IRAG2: variants seen among roughly 807,000 people sequenced by gnomAD.
The protein encoded by IRAG2 is lymphoid restricted membrane protein.
IRAG2 carries 45 observed loss-of-function variants against 69.9 expected under a neutral mutation model. The observed-to-expected ratio is 0.64, with a 90% CI of 0.51 to 0.83. The LOEUF (loss-of-function observed/expected upper bound fraction) is 0.83, where lower values mean the gene tolerates loss of function less well. Ranked by LOEUF, IRAG2 falls within the 40% of genes least tolerant of loss-of-function variation. The pLI, the probability that IRAG2 is intolerant of heterozygous loss-of-function variation, is 0.00. For missense variants in IRAG2, 520 were observed against 587.0 expected (o/e 0.89, Z 1.18); for synonymous variants, 193 against 202.4 (o/e 0.95, Z 0.40).
chr12:25,011,732 T>A (rs1239309212), intron 3 of IRAG2, among the ~76,000 whole-genome samples: 2 of 152,196 alleles, frequency 1.3e-5, no homozygotes, highest in Non-Finnish European at 2.9e-5. Flanking sequence ...ATTCAGCAGA[T>A]CTGGGGTGAA....
At chr12:25,046,802 A>AT (rs901255750) in intron 16 of IRAG2, among the ~76,000 whole-genome samples, 4 of 152,100 alleles carry the variant, frequency 2.6e-5, no homozygotes, top group African/African-American at 7.2e-5. Context: ...TTCCAATCGC[A>AT]TTTTTTTACA....
rs762366108 is a variant in IRAG2 at position 25,069,466 on chromosome 12, G to T, written c.24+35G>T. 4 of 1,592,432 alleles carry T rather than the reference G, an allele frequency of 2.5e-6. No individual in the cohort carries two copies. The South Asian group carries it at 4.4e-5, about 18-fold the overall frequency. On this transcript the variant is annotated intron_variant, in intron 6 of 21. Coordinates refer to ENST00000556887, the MANE Select transcript of IRAG2 (RefSeq NM_001366544.2). Reference sequence around the variant, plus strand: ...GGACTGGATTTTGGTTTCATTTTCAGTATTACCATATCCTGTTCTTCTTCT... The same window carrying T: ...GGACTGGATTTTGGTTTCATTTTCATTATTACCATATCCTGTTCTTCTTCT...
chr12:25,098,446 A>G (rs1372912927), intron 15 of IRAG2, among the ~76,000 whole-genome samples: 1 of 152,192 alleles, frequency 6.6e-6, no homozygotes, highest in African/African-American at 2.4e-5. Flanking sequence ...AAAGCCTCCC[A>G]GCGTGTGAAT....
intron 6 of IRAG2, among the ~76,000 whole-genome samples, chr12:25,077,343 TATATATATG>T (rs201811222): frequency 4.6e-4 from 25 of 54,742 alleles, no homozygotes; most frequent in East Asian, 6.3e-4. Context: ...ATATATGAAA[TATATATATG>T]ATATATATGA....
upstream of IRAG2, among the ~76,000 whole-genome samples, chr12:25,050,074 G>C (rs557387355): frequency 4.9e-4 from 74 of 151,088 alleles, no homozygotes; most frequent in Non-Finnish European, 9.6e-4. Flanking sequence ...AGTGAGCCGA[G>C]ATTGCGCCAC....
intron 6 of IRAG2, among the ~76,000 whole-genome samples, chr12:25,069,766 C>T (rs1171128337): frequency 6.6e-6 from 1 of 152,152 alleles, no homozygotes; most frequent in Non-Finnish European, 1.5e-5. Flanking sequence ...CTGTAAGAAG[C>T]CTCAGATCCC....
At chr12:25,106,164 T>C (rs1949088161) in intron 20 of IRAG2, among the ~76,000 whole-genome samples, 1 of 151,858 alleles carries the variant, frequency 6.6e-6, no homozygotes, top group African/African-American at 2.4e-5. Flanking sequence ...TTAGCACTGA[T>C]TGGAAATCAT....
exon 5 of IRAG2, chr12:25,015,363 A>G (rs772317142): frequency 8.1e-7 from 1 of 1,232,026 alleles, no homozygotes; most frequent in Non-Finnish European, 1.0e-6. Context: ...AGATGAGCAC[A>G]GATATAACAG....
At chr12:25,088,034 G>A in intron 10 of IRAG2, 66 bp from the exon 11 acceptor site, 1 of 1,182,902 alleles carries the variant, frequency 8.5e-7, no homozygotes, top group Non-Finnish European at 1.3e-6. Flanking sequence ...AGGACAGGAA[G>A]TAGGAAAATG....
chr12:25,055,854 C>T (rs1945220538), intron 1 of IRAG2, among the ~76,000 whole-genome samples: 1 of 152,150 alleles, frequency 6.6e-6, no homozygotes, highest in Non-Finnish European at 1.5e-5. Flanking sequence ...ATCTTATGTA[C>T]AGAAATCATG....
At chr12:25,031,232 G>A in intron 10 of IRAG2, 1 of 191,680 alleles carries the variant, frequency 5.2e-6, no homozygotes, top group East Asian at 1.9e-4. Context: ...CATTGCGGGT[G>A]TTCTCTATGT....
exon 16 of IRAG2, chr12:25,038,133 G>T (rs11609332): frequency 0.024 from 9,425 of 398,714 alleles, 141 homozygotes; most frequent in Non-Finnish European, 0.03. Context: ...AGAATTTCTT[G>T]CCAGGTGATG....
chr12:25,029,395 T>C (rs1165968890), intron 9 of IRAG2, among the ~76,000 whole-genome samples: 1 of 152,220 alleles, frequency 6.6e-6, no homozygotes, highest in Non-Finnish European at 1.5e-5. Flanking sequence ...TTTTCACATC[T>C]ACTAAATGGA....
intron 16 of IRAG2, among the ~76,000 whole-genome samples, chr12:25,041,524 C>G (rs926435442): frequency 6.6e-6 from 1 of 151,864 alleles, no homozygotes; most frequent in Non-Finnish European, 1.5e-5. Flanking sequence ...CTTCATCACC[C>G]AGACTGGAGA....
At chr12:25,063,435 T>G (rs986338726) in intron 3 of IRAG2, among the ~76,000 whole-genome samples, 1 of 152,250 alleles carries the variant, frequency 6.6e-6, no homozygotes, top group African/African-American at 2.4e-5. Flanking sequence ...CTCAAAGCCT[T>G]TGTTTACATC....
At chr12:25,030,937 T>G in intron 10 of IRAG2, 1 of 773,712 alleles carries the variant, frequency 1.3e-6, no homozygotes, top group Non-Finnish European at 1.6e-6. Flanking sequence ...AAACCCAATT[T>G]GATTGATTGA....
Position 25,083,421 on chromosome 12 carries a change from A to C in IRAG2, c.245-2A>C. The C allele has an allele frequency of 6.2e-7, 1 of 1,606,950 alleles. No individual in the cohort carries two copies. Among genetic ancestry groups the C allele is most frequent in the Non-Finnish European group, 8.5e-7 (1 of 1,173,606 alleles). On this transcript the variant is annotated splice_acceptor_variant, in intron 9 of 21. Transcript: ENST00000556887. LOFTEE classifies it high-confidence loss of function. ...GCTTTGTGTGTTTCCTGTTTCTCAC[A>C]GGCACAAGTCCAGCTCATGATAATA...
At chr12:25,070,072 G>A (rs929923576) in intron 6 of IRAG2, among the ~76,000 whole-genome samples, 1 of 152,114 alleles carries the variant, frequency 6.6e-6, no homozygotes, top group African/African-American at 2.4e-5. Flanking sequence ...TTCAGGATCT[G>A]GCAGTCCATC....
chr12:25,069,663 T>C (rs1198813844), intron 6 of IRAG2, among the ~76,000 whole-genome samples: 1 of 152,250 alleles, frequency 6.6e-6, no homozygotes, highest in Non-Finnish European at 1.5e-5. Context: ...TAGTATGCAC[T>C]GTGGGTTATA....
Sources: allele counts gnomAD v4.1 joint callset (sites outside exome capture counted in the v4.1 genomes callset), GRCh38; gene constraint gnomAD v4.1.1; transcripts MANE v1.5; gene names NCBI Gene and HGNC (gene_info 2026-07-23, HGNC 2026-07-21).